DIAPH3: variants seen among roughly 807,000 people sequenced by gnomAD.
The protein encoded by DIAPH3 is diaphanous related formin 3.
A neutral mutation model predicts 144.3 loss-of-function variants in DIAPH3; 117 were observed. The ratio of observed to expected loss-of-function variants is 0.81; its 90% CI spans 0.70 to 0.95. DIAPH3 has a LOEUF of 0.95. Among genes scored for constraint, DIAPH3 ranks in the 40% least tolerant of loss-of-function variants. The probability of loss-of-function intolerance (pLI) is 0.00; values close to 1 mark genes in which losing one functional copy is unlikely to be tolerated. For missense variants in DIAPH3, 1,421 were observed against 1,412.7 expected, an observed-to-expected ratio of 1.01 and a Z score of -0.09; for synonymous variants, 519 against 488.9, an observed-to-expected ratio of 1.06 and a Z score of -0.81.
At position 59,825,690 on chromosome 13, in the gene DIAPH3, A is replaced by G. The variant is rs535158607; in HGVS notation, c.3027+7417T>C. On this transcript the variant is annotated intron_variant, in intron 24 of 27. Coordinates refer to ENST00000400324, the MANE Select transcript of DIAPH3 (RefSeq NM_001042517.2). ...GTTCTTATTTCTCCACATCCTCCCCAGCACCTTTTGTTTCCTGACTTTTTA... is the reference window on the plus strand; with the variant it reads ...GTTCTTATTTCTCCACATCCTCCCCGGCACCTTTTGTTTCCTGACTTTTTA... 1.8e-4 allele frequency among the ~76,000 whole-genome samples: 27 copies of G among 152,304 alleles called. 1 individual carries two copies. The East Asian group carries it at 4.6e-3, about 26-fold the overall frequency.
intron 21 of DIAPH3, among the ~76,000 whole-genome samples, chr13:59,867,797 A>G (rs777075216): frequency 6.6e-6 from 1 of 152,182 alleles, no homozygotes; most frequent in African/African-American, 2.4e-5. Context: ...ACAAAAAAGG[A>G]CTATTTTCAG....
intron 4 of DIAPH3, among the ~76,000 whole-genome samples, chr13:60,088,764 G>C: frequency 6.6e-6 from 1 of 152,076 alleles, no homozygotes. Context: ...TGGGATTACA[G>C]GCCTGTGCCA....
intron 22 of DIAPH3, among the ~76,000 whole-genome samples, chr13:59,860,792 A>G (rs370572021): frequency 2.0e-5 from 3 of 152,154 alleles, no homozygotes; most frequent in East Asian, 3.9e-4. Context: ...AAGGTAGTCA[A>G]AAAATTATAT....
intron 23 of DIAPH3, among the ~76,000 whole-genome samples, chr13:59,836,444 T>G (rs1254753831): frequency 2.0e-5 from 3 of 151,816 alleles, no homozygotes; most frequent in African/African-American, 7.2e-5. Context: ...CTGACTAGAC[T>G]TAGCAAGTGG....
chr13:60,040,982 TTTTG>T (rs2055622617), intron 5 of DIAPH3, among the ~76,000 whole-genome samples: 1 of 152,106 alleles, frequency 6.6e-6, no homozygotes, highest in Non-Finnish European at 1.5e-5. Context: ...CCTGGCTAAT[TTTTG>T]TAATTTTAGT....
chr13:59,941,549 A>C (rs1029220036), intron 17 of DIAPH3, among the ~76,000 whole-genome samples: 1 of 152,192 alleles, frequency 6.6e-6, no homozygotes, highest in Non-Finnish European at 1.5e-5. Context: ...AGACCGCCTC[A>C]CAGAAGCCTC....
chr13:59,727,305 A>G (rs1353676459), intron 27 of DIAPH3, among the ~76,000 whole-genome samples: 1 of 152,092 alleles, frequency 6.6e-6, no homozygotes, highest in Non-Finnish European at 1.5e-5. Context: ...AAAAAAAACA[A>G]TTGTTTGTTA....
chr13:60,016,783 T>A (rs1273410589), intron 5 of DIAPH3, among the ~76,000 whole-genome samples: 2 of 152,178 alleles, frequency 1.3e-5, no homozygotes, highest in Non-Finnish European at 2.9e-5. Context: ...ATCACTGGGT[T>A]TTAAATGAGT....
intron 27 of DIAPH3, among the ~76,000 whole-genome samples, chr13:59,715,947 A>G (rs2138866231): frequency 6.6e-6 from 1 of 152,308 alleles, no homozygotes; most frequent in South Asian, 2.1e-4. Context: ...TTACAGAAAG[A>G]TGAAAGTTAA....
At chr13:59,754,179 C>G (rs1216353013) in intron 27 of DIAPH3, among the ~76,000 whole-genome samples, 1 of 152,126 alleles carries the variant, frequency 6.6e-6, no homozygotes, top group African/African-American at 2.4e-5. Context: ...TCTTCTGTTC[C>G]AGAAAAAGTA....
intron 21 of DIAPH3, among the ~76,000 whole-genome samples, chr13:59,878,480 T>G (rs1338729550): frequency 1.3e-5 from 2 of 152,144 alleles, no homozygotes; most frequent in Non-Finnish European, 2.9e-5. Context: ...GGAGTGTGGT[T>G]GTTACGAGGT....
In DIAPH3 at chr13:60,042,816, C is replaced by T; in HGVS notation, c.500G>A (p.Ser167Asn). 1 of 1,613,226 alleles carries T rather than the reference C, an allele frequency of 6.2e-7. No homozygotes were observed. Among genetic ancestry groups the T allele is most frequent in the South Asian group, 1.1e-5 (1 of 91,060 alleles). Reference protein sequence around the residue: ...QYINTASKTGSLKRSRQISPQ... With the variant: ...QYINTASKTGNLKRSRQISPQ... ...TGAGATCTGTCGGCTTCTCTTAAGA[C>T]TTCCCTATAAAATAAGTCAAAAAAT... is the stretch of plus-strand genomic sequence containing the variant. Residue 167 changes from serine to asparagine, a missense_variant, in exon 5 of 28, where the codon AGT becomes AAT. Physicochemically the swap from Ser to Asn is conservative, Grantham distance 46. Coordinates refer to ENST00000400324, the MANE Select transcript of DIAPH3 (RefSeq NM_001042517.2).
At chr13:60,040,225 T>TGAAA (rs1566697989) in intron 5 of DIAPH3, among the ~76,000 whole-genome samples, 1 of 12,800 alleles carries the variant, frequency 7.8e-5, no homozygotes, top group African/African-American at 3.3e-4. Context: ...AGACTCCATC[T>TGAAA]CAAAAAAAAA....
At chr13:60,043,766 A>G (rs539239489) in intron 4 of DIAPH3, among the ~76,000 whole-genome samples, 4 of 152,340 alleles carry the variant, frequency 2.6e-5, no homozygotes, top group Non-Finnish European at 5.9e-5. Flanking sequence ...TCCTACCTAC[A>G]TGTAGCTTTA....
At chr13:59,879,522 A>G (rs546831789) in intron 20 of DIAPH3, 54 bp from the exon 21 acceptor site, 1 of 1,608,076 alleles carries the variant, frequency 6.2e-7, no homozygotes, top group Admixed American at 1.7e-5. Flanking sequence ...ATAGTTTAGT[A>G]CTGTACGACT....
intron 23 of DIAPH3, among the ~76,000 whole-genome samples, chr13:59,834,770 A>T: frequency 6.6e-6 from 1 of 151,742 alleles, no homozygotes; most frequent in East Asian, 1.9e-4. Context: ...AACAAAATAA[A>T]CATTTCATAA....
intron 25 of DIAPH3, among the ~76,000 whole-genome samples, chr13:59,777,567 C>T (rs909343872): frequency 2.0e-5 from 3 of 152,080 alleles, no homozygotes; most frequent in African/African-American, 4.8e-5. Context: ...CTGGTAGATA[C>T]CACCTTATCC....
intron 24 of DIAPH3, among the ~76,000 whole-genome samples, chr13:59,830,713 T>C (rs1566378143): frequency 6.6e-6 from 1 of 151,968 alleles, no homozygotes; most frequent in Non-Finnish European, 1.5e-5. Context: ...GCTACTGCTG[T>C]GTCCAACAGG....
At chr13:60,082,859 T>C (rs2057608534) in intron 4 of DIAPH3, among the ~76,000 whole-genome samples, 1 of 152,118 alleles carries the variant, frequency 6.6e-6, no homozygotes, top group South Asian at 2.1e-4. Context: ...GTAATGGCTA[T>C]ATGCTTAGTC....
Sources: allele counts gnomAD v4.1 joint callset (sites outside exome capture counted in the v4.1 genomes callset), GRCh38; gene constraint gnomAD v4.1.1; transcripts MANE v1.5; gene names NCBI Gene and HGNC (gene_info 2026-07-23, HGNC 2026-07-21).